The following RARS2 variants were observed in gnomAD, a reference collection of about 807,000 sequenced individuals.
RARS2 encodes the protein probable arginine--tRNA ligase, mitochondrial.
A neutral mutation model predicts 88.5 loss-of-function variants in RARS2; 67 were observed. The observed-to-expected ratio is 0.76, with a 90% confidence interval of 0.62 to 0.93. RARS2 has a LOEUF of 0.93. Among genes scored for constraint, RARS2 ranks in the 40% least tolerant of loss-of-function variants. The pLI is 0.00. For synonymous variants in RARS2, 239 were observed against 230.3 expected, an observed-to-expected ratio of 1.04 and a Z score of -0.34; for missense variants, 664 against 684.2, an observed-to-expected ratio of 0.97 and a Z score of 0.33.
intron 1 of RARS2, among the ~76,000 whole-genome samples, chr6:87,588,273 A>C (rs566477573): frequency 2.0e-5 from 3 of 152,310 alleles, no homozygotes; most frequent in East Asian, 3.9e-4. Flanking sequence ...TTTTGTCTTC[A>C]TTAGCATAAC....
chr6:87,515,544 C>T (rs971530455), intron 18 of RARS2, among the ~76,000 whole-genome samples: 1 of 151,510 alleles, frequency 6.6e-6, no homozygotes, highest in Non-Finnish European at 1.5e-5. Context: ...ATTATGATTT[C>T]AATGTTAATT....
chr6:87,518,669 G>A lies in RARS2; in HGVS notation c.1376C>T (p.Thr459Ile), dbSNP rs779295415. ...GTGTGTGTACTGTAGGAAGACTCCT[G>A]TGTCCCCGCGACTCTGGAAAACACG... Reference protein sequence around the residue: ...WDRVFQSRGDTGVFLQYTHAR... With the variant: ...WDRVFQSRGDIGVFLQYTHAR... Residue 459 changes from threonine (T) to isoleucine (I), a missense_variant, in exon 16 of 20, where the codon ACA becomes ATA. Thr to Ile is a moderately conservative substitution (Grantham distance 89, BLOSUM62 -1). Transcript: ENST00000369536. 1.9e-6 allele frequency: 3 copies of A among 1,613,944 alleles called. No homozygotes were observed. The South Asian group carries it at 3.3e-5, about 18-fold the overall frequency.
At chr6:87,576,274 C>CTTTTTTT (rs55999428) in intron 1 of RARS2, among the ~76,000 whole-genome samples, 2 of 80,804 alleles carry the variant, frequency 2.5e-5, no homozygotes, top group African/African-American at 5.5e-5. Flanking sequence ...ACACAAATTT[C>CTTTTTTT]TTTTTTTTTT....
chr6:87,556,809 AT>A (rs1554204345), intron 4 of RARS2, among the ~76,000 whole-genome samples: 26 of 131,802 alleles, frequency 2.0e-4, no homozygotes, highest in African/African-American at 4.0e-4. Context: ...AAAAAAAAAA[AT>A]TTTTTTTTTT....
Position 87,589,968 on chromosome 6 carries a change from A to T in RARS2, c.-11T>A. On this transcript the variant is annotated 5_prime_UTR_variant, in exon 1 of 20. Transcript: ENST00000369536. ...AAAGCCGCACGCCATGTCCACCTCT[A>T]CGGAAGTGCGCCGCAGTCCGCCAGT... 6.2e-7 allele frequency: 1 copy of T among 1,614,206 alleles called. No homozygotes were observed. Among genetic ancestry groups the T allele is most frequent in the East Asian group, 2.2e-5 (1 of 44,882 alleles).
At chr6:87,564,420 G>T in intron 2 of RARS2, 188 bp from the exon 3 acceptor site, 1 of 583,836 alleles carries the variant, frequency 1.7e-6, no homozygotes, top group Non-Finnish European at 3.1e-6. Flanking sequence ...AGCACTTTGG[G>T]AGGCTAAGGC....
intron 4 of RARS2, among the ~76,000 whole-genome samples, chr6:87,559,247 A>C (rs1173070155): frequency 6.6e-6 from 1 of 152,090 alleles, no homozygotes; most frequent in African/African-American, 2.4e-5. Context: ...ATAAAATAAA[A>C]ATGTTACAGT....
At position 87,541,910 on chromosome 6, in the gene RARS2, C is replaced by A; in HGVS notation, c.612+8G>T. ...AAAAATTTTTGAAATGTTTTCTTGC[C>A]AACTTACTTCAAAGAGATGCTGTAG... On this transcript the variant is annotated splice_region_variant and intron_variant, in intron 8 of 19. Coordinates refer to ENST00000369536, the MANE Select transcript of RARS2 (RefSeq NM_020320.5). The A allele has an allele frequency of 1.2e-6, 2 of 1,608,258 alleles. No individual in the cohort carries two copies. Among genetic ancestry groups the A allele is most frequent in the South Asian group, 2.2e-5 (2 of 90,948 alleles).
At chr6:87,576,274 C>CTT (rs55999428) in intron 1 of RARS2, among the ~76,000 whole-genome samples, 4,861 of 80,760 alleles carry the variant, frequency 0.06, 1,173 homozygotes, top group Non-Finnish European at 0.07. Context: ...ACACAAATTT[C>CTT]TTTTTTTTTT....
chr6:87,536,877 C>G (rs1287181786), intron 8 of RARS2, among the ~76,000 whole-genome samples: 1 of 152,096 alleles, frequency 6.6e-6, no homozygotes, highest in East Asian at 1.9e-4. Flanking sequence ...GAAAAAGTTT[C>G]AAATGCTTGC....
intron 11 of RARS2, among the ~76,000 whole-genome samples, chr6:87,523,754 A>G (rs1465557916): frequency 6.6e-6 from 1 of 152,188 alleles, no homozygotes; most frequent in Admixed American, 6.5e-5. Context: ...TTCTCAATGG[A>G]TACTTCTTAT....
chr6:87,576,638 C>T (rs1263193143), intron 1 of RARS2, among the ~76,000 whole-genome samples: 1 of 152,064 alleles, frequency 6.6e-6, no homozygotes, highest in Non-Finnish European at 1.5e-5. Context: ...GAGATGGGTA[C>T]TCTCGGGAAT....
chr6:87,587,952 T>C (rs1471351767), intron 1 of RARS2, among the ~76,000 whole-genome samples: 1 of 152,066 alleles, frequency 6.6e-6, no homozygotes, highest in African/African-American at 2.4e-5. Flanking sequence ...TTTTATTTCT[T>C]TATAGAGATG....
chr6:87,571,014 C>T (rs1562239179), intron 1 of RARS2, among the ~76,000 whole-genome samples: 1 of 152,178 alleles, frequency 6.6e-6, no homozygotes, highest in Non-Finnish European at 1.5e-5. Context: ...AGGATGTGAA[C>T]ACAGGCTATC....
At chr6:87,558,438 C>T (rs892212521) in intron 4 of RARS2, among the ~76,000 whole-genome samples, 1 of 152,150 alleles carries the variant, frequency 6.6e-6, no homozygotes, top group Non-Finnish European at 1.5e-5. Flanking sequence ...TCCTAAATAT[C>T]ATTACAGTTA....
chr6:87,574,560 TA>T (rs1208250258), intron 1 of RARS2, among the ~76,000 whole-genome samples: 1 of 151,388 alleles, frequency 6.6e-6, no homozygotes, highest in Non-Finnish European at 1.5e-5. Flanking sequence ...CAAACTGAAA[TA>T]AACAAAAATA....
intron 8 of RARS2, among the ~76,000 whole-genome samples, chr6:87,532,944 T>G (rs1203389097): frequency 6.6e-6 from 1 of 152,190 alleles, no homozygotes; most frequent in African/African-American, 2.4e-5. Flanking sequence ...ACACAGCCAT[T>G]GACAACTGCT....
chr6:87,533,853 G>A (rs1353515308), intron 8 of RARS2, among the ~76,000 whole-genome samples: 2 of 152,156 alleles, frequency 1.3e-5, no homozygotes, highest in African/African-American at 2.4e-5. Context: ...TTTGATCCTA[G>A]AATACCATTA....
chr6:87,585,232 T>A (rs1222839321), intron 1 of RARS2, among the ~76,000 whole-genome samples: 1 of 152,226 alleles, frequency 6.6e-6, no homozygotes, highest in Non-Finnish European at 1.5e-5. Context: ...AAATACACAT[T>A]AAACACTTAT....
Sources: gnomAD v4.1 joint callset for allele counts (sites outside exome capture counted in the v4.1 genomes callset) on GRCh38, gnomAD v4.1.1 for gene constraint, MANE v1.5 for transcripts, NCBI Gene and HGNC (gene_info 2026-07-23, HGNC 2026-07-21) for gene names.